Variants in RABGAP1L observed in about 807,000 individuals in gnomAD.
RABGAP1L encodes rab GTPase-activating protein 1-like.
RABGAP1L carries 63 observed loss-of-function variants against 137.7 expected under a neutral mutation model. The ratio of observed to expected loss-of-function variants is 0.46; its 90% CI spans 0.37 to 0.56. The LOEUF is 0.56. Among genes scored for constraint, RABGAP1L ranks in the 20% least tolerant of loss-of-function variants. The pLI is 0.00. For synonymous variants in RABGAP1L, 431 were observed against 433.7 expected, an observed-to-expected ratio of 0.99 and a Z score of 0.08; for missense variants, 1,095 against 1,244.0, an observed-to-expected ratio of 0.88 and a Z score of 1.80.
Position 174,616,640 on chromosome 1 carries a change from A to C in RABGAP1L, c.1711-20735A>C, listed in dbSNP as rs150074545. On this transcript the variant is annotated intron_variant, in intron 13 of 25. Coordinates refer to ENST00000681986, the MANE Select transcript of RABGAP1L (RefSeq NM_001366446.1). ...TGAGGAAAAGGGAGACAAGACTTCCAAAATAATTATTTGTATGTCAGCTTA... is the reference window on the plus strand; with the variant it reads ...TGAGGAAAAGGGAGACAAGACTTCCCAAATAATTATTTGTATGTCAGCTTA... Among the ~76,000 whole-genome samples the C allele has an allele frequency of 8.5e-5, 13 of 152,342 alleles. No individual in the cohort carries two copies. In the East Asian group the frequency reaches 2.5e-3, roughly 29 times the overall value.
intron 19 of RABGAP1L, among the ~76,000 whole-genome samples, chr1:174,854,383 A>G (rs1337713562): frequency 6.6e-6 from 1 of 152,184 alleles, no homozygotes; most frequent in Admixed American, 6.5e-5. Flanking sequence ...GCCCTTATTC[A>G]TAAAACACTA....
intron 17 of RABGAP1L, among the ~76,000 whole-genome samples, chr1:174,740,941 G>A (rs1683344752): frequency 6.6e-6 from 1 of 151,200 alleles, no homozygotes; most frequent in African/African-American, 2.4e-5. Flanking sequence ...GTTGAGTTGA[G>A]TTCCTTATCT....
intron 18 of RABGAP1L, among the ~76,000 whole-genome samples, chr1:174,793,324 G>A (rs757707436): frequency 1.3e-5 from 2 of 152,256 alleles, no homozygotes; most frequent in East Asian, 1.9e-4. Context: ...GTAGGGGAAA[G>A]TTCTCCTTTC....
At chr1:174,776,296 C>A (rs978114990) in intron 18 of RABGAP1L, among the ~76,000 whole-genome samples, 1 of 152,056 alleles carries the variant, frequency 6.6e-6, no homozygotes, top group African/African-American at 2.4e-5. Context: ...ATTGCTTGAA[C>A]CCCGGTGGGT....
intron 12 of RABGAP1L, among the ~76,000 whole-genome samples, chr1:174,385,906 A>G (rs2149060569): frequency 6.6e-6 from 1 of 152,368 alleles, no homozygotes; most frequent in East Asian, 1.9e-4. Context: ...TTTTGCTATA[A>G]AAGGATGATA....
At chr1:174,345,618 A>C (rs1682362097) in intron 11 of RABGAP1L, among the ~76,000 whole-genome samples, 1 of 152,120 alleles carries the variant, frequency 6.6e-6, no homozygotes, top group South Asian at 2.1e-4. Flanking sequence ...ATTTTACTGA[A>C]TTTATCAGTT....
intron 10 of RABGAP1L, among the ~76,000 whole-genome samples, chr1:174,284,734 C>CTTTTTTTTTTTTTT: frequency 2.3e-5 from 1 of 42,622 alleles, no homozygotes; most frequent in Non-Finnish European, 4.5e-5. Context: ...TATTTCTTGT[C>CTTTTTTTTTTTTTT]TTTTTTTTTT....
chr1:174,904,618 T>C (rs1461471505), intron 19 of RABGAP1L, among the ~76,000 whole-genome samples: 2 of 152,098 alleles, frequency 1.3e-5, no homozygotes, highest in African/African-American at 2.4e-5. Flanking sequence ...CTCTATTCTA[T>C]AGGAGGTACA....
chr1:174,540,033 C>T (rs1009697985), intron 13 of RABGAP1L, among the ~76,000 whole-genome samples: 3 of 152,210 alleles, frequency 2.0e-5, no homozygotes, highest in African/African-American at 7.2e-5. Flanking sequence ...TTGCATTTCT[C>T]TGATTGCCAG....
At chr1:174,666,623 C>A (rs114384309) in intron 14 of RABGAP1L, among the ~76,000 whole-genome samples, 2 of 152,114 alleles carry the variant, frequency 1.3e-5, no homozygotes, top group Non-Finnish European at 2.9e-5. Context: ...AGAGAACATC[C>A]TTTGATTTCC....
intron 14 of RABGAP1L, among the ~76,000 whole-genome samples, chr1:174,646,333 T>C (rs1360354082): frequency 2.0e-5 from 3 of 152,212 alleles, no homozygotes; most frequent in African/African-American, 7.2e-5. Flanking sequence ...TCTAGGATTT[T>C]TATGGTTTTA....
intron 13 of RABGAP1L, among the ~76,000 whole-genome samples, chr1:174,450,103 A>T (rs1180830751): frequency 3.3e-5 from 5 of 152,084 alleles, no homozygotes; most frequent in African/African-American, 1.2e-4. Context: ...CTTAAAAGTG[A>T]TGTCTTTTTT....
chr1:174,620,862 G>C (rs1292364692), intron 13 of RABGAP1L, among the ~76,000 whole-genome samples: 1 of 152,000 alleles, frequency 6.6e-6, no homozygotes, highest in African/African-American at 2.4e-5. Context: ...TTTTTGAAAG[G>C]ATCAACAAAA....
At chr1:174,940,092 A>G (rs1295592795) in intron 19 of RABGAP1L, among the ~76,000 whole-genome samples, 8 of 152,168 alleles carry the variant, frequency 5.3e-5, no homozygotes, top group Admixed American at 2.0e-4. Context: ...CATAACAGCC[A>G]TATGTGATTA....
chr1:174,240,831 T>C (rs2148555055), intron 4 of RABGAP1L, among the ~76,000 whole-genome samples: 1 of 152,320 alleles, frequency 6.6e-6, no homozygotes, highest in East Asian at 1.9e-4. Flanking sequence ...ATAGAGATGT[T>C]ACCAGGCACG....
At chr1:174,829,417 A>G (rs978787517) in intron 19 of RABGAP1L, among the ~76,000 whole-genome samples, 1 of 148,298 alleles carries the variant, frequency 6.7e-6, no homozygotes, top group Non-Finnish European at 1.5e-5. Flanking sequence ...CATGCAATAT[A>G]AATTTGTGAA....
intron 2 of RABGAP1L, 89 bp from the exon 3 acceptor site, chr1:174,220,883 T>TCTTCTAGA: frequency 8.6e-7 from 1 of 1,156,808 alleles, no homozygotes; most frequent in Non-Finnish European, 1.2e-6. Context: ...TAGATTGTTT[T>TCTTCTAGA]AATTTCTTCT....
At chr1:174,742,387 C>T (rs1683517897) in intron 17 of RABGAP1L, among the ~76,000 whole-genome samples, 1 of 151,210 alleles carries the variant, frequency 6.6e-6, no homozygotes, top group Non-Finnish European at 1.5e-5. Context: ...TGTAGTGGCG[C>T]ACACCTGTAA....
chr1:174,806,203 A>C (rs960793733), intron 18 of RABGAP1L, among the ~76,000 whole-genome samples: 6 of 152,216 alleles, frequency 3.9e-5, no homozygotes, highest in Non-Finnish European at 7.3e-5. Flanking sequence ...TATGATCGCA[A>C]GATCATTCGT....
Sources: allele counts gnomAD v4.1 joint callset (sites outside exome capture counted in the v4.1 genomes callset), GRCh38; gene constraint gnomAD v4.1.1; transcripts MANE v1.5; gene names NCBI Gene and HGNC (gene_info 2026-07-23, HGNC 2026-07-21).